The following LINGO2 variants were observed in gnomAD, a reference collection of about 807,000 sequenced individuals.
LINGO2 encodes leucine-rich repeat and immunoglobulin-like domain-containing nogo receptor-interacting protein 2.
In LINGO2, 14 loss-of-function variants were observed where a neutral mutation model predicts 30.6. The observed-to-expected ratio is 0.46, with a 90% CI of 0.30 to 0.72. The LOEUF is 0.72. Ranked by LOEUF, LINGO2 falls within the 30% of genes least tolerant of loss-of-function variation. The pLI, the probability that LINGO2 is intolerant of heterozygous loss-of-function variation, is 0.07. For synonymous variants in LINGO2, 317 were observed against 288.5 expected (o/e 1.10, Z -1.00); for missense variants, 729 against 751.7 (o/e 0.97, Z 0.35).
chr9:28,847,689 T>C, the LINGO2 span, among the ~76,000 whole-genome samples: 7 of 142,028 alleles, frequency 4.9e-5, no homozygotes, highest in African/African-American at 1.9e-4. Flanking sequence ...CAACTGAGCA[T>C]CTACATATTG....
At chr9:29,207,199 T>C in the LINGO2 span, among the ~76,000 whole-genome samples, 51 of 151,932 alleles carry the variant, frequency 3.4e-4, no homozygotes, top group African/African-American at 1.2e-3. Context: ...TACGTATATA[T>C]GTATATAAAG....
chr9:28,322,348 A>T (rs997042401), intron 3 of LINGO2, among the ~76,000 whole-genome samples: 1 of 152,156 alleles, frequency 6.6e-6, no homozygotes, highest in Non-Finnish European at 1.5e-5. Flanking sequence ...CTTAAAAAAT[A>T]TTACCTGTCA....
At chr9:28,281,589 A>G (rs1823328023) in intron 4 of LINGO2, among the ~76,000 whole-genome samples, 1 of 152,116 alleles carries the variant, frequency 6.6e-6, no homozygotes, top group Admixed American at 6.6e-5. Context: ...TTAGGAATGA[A>G]GAATGCTACA....
At chr9:28,494,847 G>A (rs2135283713) in intron 1 of LINGO2, among the ~76,000 whole-genome samples, 1 of 152,282 alleles carries the variant, frequency 6.6e-6, no homozygotes, top group African/African-American at 2.4e-5. Context: ...GTGTAAAAGT[G>A]TTCCTATTTC....
chr9:28,366,247 A>G (rs947248920), intron 3 of LINGO2, among the ~76,000 whole-genome samples: 3 of 152,156 alleles, frequency 2.0e-5, no homozygotes, highest in African/African-American at 7.2e-5. Flanking sequence ...AAGGACTTGG[A>G]ACATTACTTA....
At chr9:28,261,560 A>C (rs1282414926) in intron 4 of LINGO2, among the ~76,000 whole-genome samples, 1 of 151,930 alleles carries the variant, frequency 6.6e-6, no homozygotes, top group Non-Finnish European at 1.5e-5. Context: ...TATACTCCTA[A>C]TAAGATACCT....
intron 4 of LINGO2, among the ~76,000 whole-genome samples, chr9:28,231,177 A>T (rs541339038): frequency 6.6e-6 from 1 of 151,886 alleles, no homozygotes; most frequent in East Asian, 1.9e-4. Flanking sequence ...AAAAAATACT[A>T]CCTTTATGAA....
chr9:28,533,407 T>A (rs1431271098), intron 1 of LINGO2, among the ~76,000 whole-genome samples: 1 of 152,142 alleles, frequency 6.6e-6, no homozygotes, highest in Non-Finnish European at 1.5e-5. Context: ...TGTGATCCTG[T>A]GAGTCAACAC....
At chr9:28,458,689 A>T (rs1213778208) in intron 2 of LINGO2, among the ~76,000 whole-genome samples, 1 of 152,114 alleles carries the variant, frequency 6.6e-6, no homozygotes, top group African/African-American at 2.4e-5. Flanking sequence ...TACCTGCCTA[A>T]TGACCACTGA....
chr9:29,105,289 C>A, the LINGO2 span, among the ~76,000 whole-genome samples: 1 of 152,094 alleles, frequency 6.6e-6, no homozygotes, highest in Non-Finnish European at 1.5e-5. Flanking sequence ...TAAATTGTCA[C>A]GTCAGTTTAA....
At chr9:28,985,218 A>G in the LINGO2 span, among the ~76,000 whole-genome samples, 10 of 152,122 alleles carry the variant, frequency 6.6e-5, no homozygotes, top group Non-Finnish European at 1.3e-4. Flanking sequence ...TTAGGGCTGC[A>G]TAGCATTTCA....
the LINGO2 span, among the ~76,000 whole-genome samples, chr9:29,110,474 A>G: frequency 6.6e-6 from 1 of 151,426 alleles, no homozygotes; most frequent in Non-Finnish European, 1.5e-5. Context: ...CTGGGACTAC[A>G]GGCGCCCGCC....
the LINGO2 span, among the ~76,000 whole-genome samples, chr9:28,898,586 T>A: frequency 3.3e-5 from 5 of 151,108 alleles, no homozygotes; most frequent in South Asian, 2.1e-4. Flanking sequence ...AATCGACCCC[T>A]TTTTTTTTAA....
intron 3 of LINGO2, among the ~76,000 whole-genome samples, chr9:28,351,038 G>A (rs1024795500): frequency 6.6e-6 from 1 of 152,036 alleles, no homozygotes; most frequent in African/African-American, 2.4e-5. Flanking sequence ...ATGCCCACAA[G>A]AGAAAGCAGG....
chr9:28,539,646 C>T (rs772378528), intron 1 of LINGO2, among the ~76,000 whole-genome samples: 5 of 152,180 alleles, frequency 3.3e-5, no homozygotes, highest in Non-Finnish European at 7.3e-5. Context: ...ACCAATAACA[C>T]TGTTGTGTAA....
intron 2 of LINGO2, among the ~76,000 whole-genome samples, chr9:28,418,437 C>T (rs1823056846): frequency 1.3e-5 from 2 of 151,892 alleles, no homozygotes; most frequent in African/African-American, 4.8e-5. Context: ...CACGACCACG[C>T]CAGGCTAATT....
chr9:28,748,685 C>G, the LINGO2 span, among the ~76,000 whole-genome samples: 1 of 151,926 alleles, frequency 6.6e-6, no homozygotes, highest in South Asian at 2.1e-4. Context: ...TGTTGTTGTT[C>G]TTGTTCTTAA....
intron 4 of LINGO2, among the ~76,000 whole-genome samples, chr9:28,207,129 A>C (rs1055792332): frequency 6.6e-6 from 1 of 152,180 alleles, no homozygotes; most frequent in African/African-American, 2.4e-5. Flanking sequence ...GCTATTATCA[A>C]TAGCACTACA....
chr9:28,855,209 C>T, the LINGO2 span, among the ~76,000 whole-genome samples: 25 of 151,996 alleles, frequency 1.6e-4, no homozygotes, highest in Middle Eastern at 3.4e-3. Context: ...ATTTGCGATC[C>T]TCCAAGGATG....
Sources: gnomAD v4.1 joint callset for allele counts (sites outside exome capture counted in the v4.1 genomes callset) on GRCh38, gnomAD v4.1.1 for gene constraint, MANE v1.5 for transcripts, NCBI Gene and HGNC (gene_info 2026-07-23, HGNC 2026-07-21) for gene names.